The following TBX22 variants were observed in gnomAD, a reference collection of about 807,000 sequenced individuals.
The protein encoded by TBX22 is T-box transcription factor TBX22.
In TBX22, 8 loss-of-function variants were observed where a neutral mutation model predicts 30.1. The observed-to-expected ratio is 0.27, with a 90% CI of 0.16 to 0.48. The LOEUF (loss-of-function observed/expected upper bound fraction) is 0.48, where lower values mean the gene tolerates loss of function less well. Among genes scored for constraint, TBX22 ranks in the 20% least tolerant of loss-of-function variants. The probability of loss-of-function intolerance (pLI) is 0.99; values close to 1 mark genes in which losing one functional copy is unlikely to be tolerated. For synonymous variants in TBX22, 173 were observed against 149.1 expected (o/e 1.16, Z -1.17); for missense variants, 463 against 400.5 (o/e 1.16, Z -1.33).
At chrX:80,028,968 A>AC (rs199874612) in intron 8 of TBX22, among the ~76,000 whole-genome samples, 3 of 110,712 alleles carry the variant, frequency 2.7e-5, no homozygotes, top group Non-Finnish European at 5.7e-5. Flanking sequence ...GAAAAAAAAA[A>AC]CACTTATTTT....
At chrX:80,024,258 T>C in intron 4 of TBX22, 94 bp downstream of exon 4, 2 of 749,626 alleles carry the variant, frequency 2.7e-6, no homozygotes, top group Non-Finnish European at 4.1e-6. Context: ...CTTTGAAAAC[T>C]CTAGCATGGG....
intron 1 of TBX22, among the ~76,000 whole-genome samples, chrX:80,019,021 G>A (rs752274861): frequency 7.0e-4 from 78 of 111,735 alleles, no homozygotes; most frequent in Non-Finnish European, 1.3e-3. Flanking sequence ...ATTGAAAAAG[G>A]AGAAGAGGTA....
At chrX:80,024,272 T>G in intron 4 of TBX22, 108 bp downstream of exon 4, 34 of 626,902 alleles carry the variant, frequency 5.4e-5, no homozygotes, top group African/African-American at 6.6e-5. Context: ...GCATGGGGGG[T>G]GGGAGTGGGG....
In TBX22 at chrX:80,022,463, C is replaced by G; in HGVS notation, c.175+19C>G. On this transcript the variant is annotated intron_variant, in intron 2 of 8. Coordinates refer to ENST00000373296, the MANE Select transcript of TBX22 (RefSeq NM_001109878.2). The stretch of plus-strand genomic sequence containing the variant: ...CCGCTTGGTAAGTACTGCCATTGCC[C>G]TGAGCCCGTTGCCTGAGCTTACTGG... The G allele has an allele frequency of 8.6e-7, 1 of 1,166,408 alleles. No homozygotes were observed. Among genetic ancestry groups the G allele is most frequent in the Non-Finnish European group, 1.1e-6 (1 of 872,451 alleles).
intron 6 of TBX22, 127 bp downstream of exon 6, chrX:80,026,995 T>C: frequency 1.4e-6 from 1 of 732,616 alleles, no homozygotes; most frequent in Non-Finnish European, 2.1e-6. Context: ...TTTTATTGTA[T>C]TGTCATCCAT....
At chrX:80,021,857 C>T (rs1281553360) in intron 1 of TBX22, among the ~76,000 whole-genome samples, 1 of 112,380 alleles carries the variant, frequency 8.9e-6, no homozygotes, top group African/African-American at 3.2e-5. Flanking sequence ...CAGCACTTGC[C>T]AATCTCTGCT....
intron 1 of TBX22, among the ~76,000 whole-genome samples, chrX:80,017,316 GTTTTC>G (rs1441754651): frequency 2.0e-5 from 2 of 98,085 alleles, no homozygotes; most frequent in Non-Finnish European, 4.3e-5. Flanking sequence ...GTGTGTGTGT[GTTTTC>G]TTTAATTTTG....
rs201336957 is a variant in TBX22, at chrX:80,031,092, C to A, written c.1544C>A (p.Ala515Glu). The A allele has an allele frequency of 8.9e-5, 107 of 1,207,626 alleles. No homozygotes were observed. The highest frequency in any genetic ancestry group is 5.9e-4 in the Admixed American group (27 of 45,768). Residue 515 changes from alanine (A) to glutamate (E), a missense_variant, in exon 9 of 9, where the codon GCA becomes GAA. Coordinates refer to ENST00000373296, the MANE Select transcript of TBX22 (RefSeq NM_001109878.2). ...GKCNHVHWYP[A>E]INHYL ...TGTAATCATGTTCATTGGTATCCAGCAATTAACCATTACCTTTAGTAAGAC... is the reference window on the plus strand; with the variant it reads ...TGTAATCATGTTCATTGGTATCCAGAAATTAACCATTACCTTTAGTAAGAC...
At chrX:80,029,543 G>T (rs1024633535) in intron 8 of TBX22, among the ~76,000 whole-genome samples, 1 of 111,893 alleles carries the variant, frequency 8.9e-6, no homozygotes, top group African/African-American at 3.2e-5. Context: ...AAGAAAAAAA[G>T]CTAAGGCTTT....
intron 3 of TBX22, 138 bp downstream of exon 3, chrX:80,023,378 G>A: frequency 1.6e-6 from 1 of 621,865 alleles, no homozygotes. Context: ...ACATACAGTA[G>A]AAAGCCATAG....
Position 80,031,255 on chromosome X carries a change from C to T in TBX22, c.*144C>T. 1 of 553,717 alleles carries T rather than the reference C, an allele frequency of 1.8e-6. No individual in the cohort carries two copies. The highest frequency in any genetic ancestry group is 2.8e-6 in the Non-Finnish European group (1 of 358,244). The allele number at this position is 553,717 out of a possible 1,213,427, so 45.6% of individuals were successfully genotyped here. A position where few individuals can be genotyped will look rare whatever the true frequency, so the allele number is the denominator to read the frequency against. ...GTTATACATTTAAAGATTTAAAGTG[C>T]CTTATCAAATAATATTCATGAAGAG... On this transcript the variant is annotated 3_prime_UTR_variant, in exon 9 of 9. Transcript: ENST00000373296.
Position 80,017,280 on chromosome X carries a change from TTGTGTGTGTGTG to T in TBX22, c.-3+2419_-3+2430del, listed in dbSNP as rs3048747. Among the ~76,000 whole-genome samples the T allele has an allele frequency of 4.3e-5, 4 of 93,959 alleles. No homozygotes were observed. The South Asian group carries it at 2.3e-3, about 54-fold the overall frequency. The allele number at this position is 93,959 out of a possible 115,157, so 81.6% of individuals were successfully genotyped here. ...GTTTGACACTAGTTTGGTGTTGTTTTTGTGTGTGTGTGTGTGTGTGTGTGTGTGTGTGTGTGT... is the reference window on the plus strand; with the variant it reads ...GTTTGACACTAGTTTGGTGTTGTTTTTGTGTGTGTGTGTGTGTGTGTGTGT... On this transcript the variant is annotated intron_variant, in intron 1 of 8. Transcript: ENST00000373296.
intron 8 of TBX22, 138 bp from the exon 9 acceptor site, chrX:80,030,360 A>G: frequency 5.1e-6 from 4 of 783,861 alleles, no homozygotes; most frequent in South Asian, 2.3e-5. Context: ...TCCTGTCTCA[A>G]AGAAGCTAAA....
intron 8 of TBX22, among the ~76,000 whole-genome samples, chrX:80,029,049 T>C (rs1398809471): frequency 9.0e-6 from 1 of 111,723 alleles, no homozygotes; most frequent in Non-Finnish European, 1.9e-5. Flanking sequence ...AAATGTGCAC[T>C]AATAAAGAAA....
At chrX:80,027,849 ACTGAATTTTATTCAGAAGT>A (rs1398588923) in intron 7 of TBX22, 123 bp from the exon 8 acceptor site, 3 of 514,964 alleles carry the variant, frequency 5.8e-6, no homozygotes, top group Non-Finnish European at 1.0e-5. Flanking sequence ...TCTAGGTTTG[ACTGAATTTTATTCAGAAGT>A]CTAGCTATAT....
At chrX:80,027,726 TAA>T (rs1924049502) in intron 7 of TBX22, among the ~76,000 whole-genome samples, 1 of 111,969 alleles carries the variant, frequency 8.9e-6, no homozygotes, top group South Asian at 3.7e-4. Context: ...TCAAAAGCTC[TAA>T]GTTTTGTAAT....
rs145861460 is a variant in TBX22, at chrX:80,030,846, A to G, written c.1298A>G (p.Tyr433Cys). 8.3e-6 allele frequency: 10 copies of G among 1,211,977 alleles called. No individual in the cohort carries two copies. Among genetic ancestry groups the G allele is most frequent in the Non-Finnish European group, 1.0e-5 (9 of 895,499 alleles). ...TCATCTGAAGACTCCAGTGATCAGT[A>G]TCTACAAGCACCTAATTCTACCAAT... ...SGSSEDSSDQYLQAPNSTNQM... is the reference protein window; with the variant it reads ...SGSSEDSSDQCLQAPNSTNQM... Residue 433 changes from tyrosine to cysteine, a missense_variant, in exon 9 of 9, where the codon TAT (tyrosine) becomes TGT (cysteine). Physicochemically the swap from Tyr to Cys is radical, Grantham distance 194. Transcript: ENST00000373296.
intron 3 of TBX22, among the ~76,000 whole-genome samples, chrX:80,023,697 G>C (rs757627123): frequency 1.8e-5 from 2 of 111,649 alleles, no homozygotes; most frequent in East Asian, 5.7e-4. Context: ...GTTATTTTGT[G>C]AGTCTAACTA....
chrX:80,030,889 A>G lies in TBX22; in HGVS notation c.1341A>G (p.Leu447=). The part of the protein sequence containing the change: ...PNSTNQMLYG[L]QSPGNIFLPN... ...CTACCAATCAAATGTTATATGGATT[A>G]CAGTCACCTGGAAATATTTTTCTGC... Residue 447 remains leucine, a synonymous_variant, in exon 9 of 9, where the codon TTA becomes TTG. Transcript: ENST00000373296. 8.3e-7 allele frequency: 1 copy of G among 1,211,904 alleles called. No individual in the cohort carries two copies.
Sources: allele counts gnomAD v4.1 joint callset (sites outside exome capture counted in the v4.1 genomes callset), GRCh38; gene constraint gnomAD v4.1.1; transcripts MANE v1.5; gene names NCBI Gene and HGNC (gene_info 2026-07-23, HGNC 2026-07-21).